The following TBC1D2B variants were observed in gnomAD, a reference collection of about 807,000 sequenced individuals.
TBC1D2B encodes the protein TBC1 domain family, member 2B.
In TBC1D2B, 64 loss-of-function variants were observed where a neutral mutation model predicts 100.8. That is an observed-to-expected ratio of 0.64 (90% confidence interval 0.52 to 0.78). The LOEUF (loss-of-function observed/expected upper bound fraction) is 0.78. Ranked by LOEUF, TBC1D2B falls within the 30% of genes least tolerant of loss-of-function variation. The pLI, the probability that TBC1D2B is intolerant of heterozygous loss-of-function variation, is 0.00. For synonymous variants in TBC1D2B, 480 were observed against 479.7 expected (o/e 1.00, Z -0.01); for missense variants, 1,052 against 1,218.4 (o/e 0.86, Z 2.03).
intron 2 of TBC1D2B, among the ~76,000 whole-genome samples, chr15:78,046,120 C>T (rs1253082301): frequency 6.6e-6 from 1 of 152,004 alleles, no homozygotes; most frequent in Non-Finnish European, 1.5e-5. Flanking sequence ...TTAGTACAGA[C>T]GAGGTTTCAC....
At chr15:78,000,977 C>A (rs376354502) in intron 12 of TBC1D2B, among the ~76,000 whole-genome samples, 1 of 152,218 alleles carries the variant, frequency 6.6e-6, no homozygotes, top group Non-Finnish European at 1.5e-5. Context: ...CCTAACCCTG[C>A]AGGACTTCCC....
chr15:78,073,080 A>G (rs184374325), intron 1 of TBC1D2B, among the ~76,000 whole-genome samples: 324 of 152,342 alleles, frequency 2.1e-3, no homozygotes, highest in Middle Eastern at 6.8e-3. Context: ...AGACAATACA[A>G]TTAGATACTA....
At chr15:78,068,777 A>G (rs1418902687) in intron 1 of TBC1D2B, among the ~76,000 whole-genome samples, 2 of 152,204 alleles carry the variant, frequency 1.3e-5, no homozygotes, top group Non-Finnish European at 2.9e-5. Context: ...ACTTCACAGA[A>G]CACTAGTTAC....
intron 2 of TBC1D2B, among the ~76,000 whole-genome samples, chr15:78,047,507 G>T (rs913223362): frequency 6.6e-6 from 1 of 152,148 alleles, no homozygotes; most frequent in Non-Finnish European, 1.5e-5. Flanking sequence ...ATGCCTGGGG[G>T]ACTTCTAGAG....
intron 12 of TBC1D2B, chr15:77,999,221 C>T (rs1195106025): frequency 1.1e-5 from 5 of 447,530 alleles, no homozygotes; most frequent in African/African-American, 1.0e-4. Context: ...CCAACAGACT[C>T]ACCAGCCCCA....
At chr15:78,034,884 C>T (rs2072910216) in intron 3 of TBC1D2B, among the ~76,000 whole-genome samples, 2 of 152,236 alleles carry the variant, frequency 1.3e-5, no homozygotes, top group South Asian at 4.1e-4. Context: ...GTGCAGACTT[C>T]TCAGACACAC....
intron 3 of TBC1D2B, among the ~76,000 whole-genome samples, chr15:78,033,357 C>T (rs895811982): frequency 1.3e-5 from 2 of 152,108 alleles, no homozygotes; most frequent in African/African-American, 4.8e-5. Context: ...AAACACCAAA[C>T]AATATAGGTA....
chr15:78,076,597 AT>A (rs751565190), intron 1 of TBC1D2B, among the ~76,000 whole-genome samples: 2 of 143,278 alleles, frequency 1.4e-5, no homozygotes, highest in Non-Finnish European at 3.1e-5. Flanking sequence ...AAAAAAAAAA[AT>A]TTAATTAGCC....
At chr15:78,065,399 C>T (rs1407805408) in intron 1 of TBC1D2B, among the ~76,000 whole-genome samples, 1 of 152,208 alleles carries the variant, frequency 6.6e-6, no homozygotes, top group African/African-American at 2.4e-5. Flanking sequence ...ACAGCCCAGG[C>T]CACCCAGCTG....
chr15:78,044,119 GT>G (rs2073146974), intron 3 of TBC1D2B, among the ~76,000 whole-genome samples: 1 of 151,962 alleles, frequency 6.6e-6, no homozygotes, highest in African/African-American at 2.4e-5. Context: ...AGGAGAAGGG[GT>G]TGGGGGAAAT....
At chr15:77,999,069 T>C (rs2071842368) in intron 12 of TBC1D2B, 2 of 277,428 alleles carry the variant, frequency 7.2e-6, no homozygotes, top group African/African-American at 2.2e-5. Context: ...GTAGCACTAA[T>C]GGGTCAGCCA....
At chr15:78,064,002 C>T (rs1451457233) in intron 1 of TBC1D2B, among the ~76,000 whole-genome samples, 1 of 152,138 alleles carries the variant, frequency 6.6e-6, no homozygotes, top group Non-Finnish European at 1.5e-5. Flanking sequence ...CCAATGAAGT[C>T]ATATATGTCG....
intron 9 of TBC1D2B, among the ~76,000 whole-genome samples, chr15:78,010,676 C>A (rs1177876580): frequency 6.6e-6 from 1 of 151,926 alleles, no homozygotes; most frequent in East Asian, 1.9e-4. Context: ...AGTCTGAAAG[C>A]GACAGAGCCT....
chr15:78,000,734 C>T (rs2071890199), intron 12 of TBC1D2B, among the ~76,000 whole-genome samples: 1 of 152,256 alleles, frequency 6.6e-6, no homozygotes. Flanking sequence ...AGGGGACATA[C>T]AGACGAGGAT....
chr15:78,035,818 C>T (rs936659494), intron 3 of TBC1D2B, among the ~76,000 whole-genome samples: 1 of 152,226 alleles, frequency 6.6e-6, no homozygotes, highest in Non-Finnish European at 1.5e-5. Context: ...ACTTAGGGCA[C>T]ATTCCTATAA....
chr15:78,045,481 G>T (rs2073176411), intron 2 of TBC1D2B, among the ~76,000 whole-genome samples: 1 of 152,184 alleles, frequency 6.6e-6, no homozygotes, highest in Non-Finnish European at 1.5e-5. Context: ...TTATACAAGG[G>T]TCCCTTTTCT....
chr15:78,000,933 CAGTCCTGCCCCAATCTGACCTGT>C, intron 12 of TBC1D2B, among the ~76,000 whole-genome samples: 1 of 152,244 alleles, frequency 6.6e-6, no homozygotes, highest in South Asian at 2.1e-4. Flanking sequence ...TAACAGCCAC[CAGTCCTGCCCCAATCTGACCTGT>C]CTGTCTCTTG....
At position 78,027,429 on chromosome 15, in the gene TBC1D2B, C is replaced by T. The variant is rs933709738; in HGVS notation, c.848-1932G>A. Among the ~76,000 whole-genome samples, 8 of 152,268 alleles carry T rather than the reference C, an allele frequency of 5.3e-5. No individual in the cohort carries two copies. The East Asian group carries it at 7.7e-4, about 15-fold the overall frequency. On this transcript the variant is annotated intron_variant, in intron 4 of 12. Transcript: ENST00000300584. ...GTTTACTTAAAGATACGGGAAAATA[C>T]AAGGAAGGGTAGTTCACTTTCTGTG... is the stretch of plus-strand genomic sequence containing the variant.
At chr15:78,064,423 A>C (rs1339309693) in intron 1 of TBC1D2B, among the ~76,000 whole-genome samples, 1 of 152,246 alleles carries the variant, frequency 6.6e-6, no homozygotes. Context: ...TCAAGTCTGC[A>C]TACCTTCTAG....
Sources: allele counts gnomAD v4.1 joint callset (sites outside exome capture counted in the v4.1 genomes callset), GRCh38; gene constraint gnomAD v4.1.1; transcripts MANE v1.5; gene names NCBI Gene and HGNC (gene_info 2026-07-23, HGNC 2026-07-21).